The following ZNF678 variants were observed in gnomAD, a reference collection of about 807,000 sequenced individuals.
The protein encoded by ZNF678 is hypothetical protein MGC42493.
ZNF678 carries 5 observed loss-of-function variants against 3.0 expected under a neutral mutation model. The ratio of observed to expected loss-of-function variants is 1.69; its 90% confidence interval spans 0.88 to 3.56. ZNF678 has a LOEUF of 3.56. Among genes scored for constraint, ZNF678 ranks in the 30% most tolerant of loss-of-function variants. The pLI is 0.00. For missense variants in ZNF678, 593 were observed against 605.0 expected (o/e 0.98, Z 0.21); for synonymous variants, 218 against 199.6 (o/e 1.09, Z -0.78).
At chr1:227,614,878 A>G (rs891306692) in intron 1 of ZNF678, among the ~76,000 whole-genome samples, 3 of 152,244 alleles carry the variant, frequency 2.0e-5, no homozygotes, top group Non-Finnish European at 2.9e-5. Context: ...CCACATTGCT[A>G]CCCAGCAAAA....
intron 1 of ZNF678, among the ~76,000 whole-genome samples, chr1:227,565,358 C>T (rs928727458): frequency 6.6e-6 from 1 of 152,104 alleles, no homozygotes; most frequent in African/African-American, 2.4e-5. Flanking sequence ...GCCACCACGC[C>T]TGACTTGTTG....
chr1:227,584,201 T>C (rs1311786832), intron 1 of ZNF678, among the ~76,000 whole-genome samples: 2 of 152,204 alleles, frequency 1.3e-5, no homozygotes, highest in East Asian at 3.9e-4. Flanking sequence ...ATTTGTTCAT[T>C]TGTCACAAGG....
intron 2 of ZNF678, among the ~76,000 whole-genome samples, chr1:227,648,810 T>C (rs771105049): frequency 1.6e-4 from 25 of 151,640 alleles, no homozygotes; most frequent in Non-Finnish European, 2.8e-4. Context: ...CCATCCTGGG[T>C]GACAGAGCGA....
chr1:227,574,390 G>T (rs1007832581), intron 1 of ZNF678, among the ~76,000 whole-genome samples: 1 of 152,216 alleles, frequency 6.6e-6, no homozygotes, highest in East Asian at 1.9e-4. Context: ...GTATGTCATT[G>T]TGGTTTTCAT....
chr1:227,581,497 A>G (rs1024259789), intron 1 of ZNF678, among the ~76,000 whole-genome samples: 1 of 152,200 alleles, frequency 6.6e-6, no homozygotes, highest in African/African-American at 2.4e-5. Flanking sequence ...ACCATTAAGT[A>G]GTTTTGTCTA....
intron 3 of ZNF678, among the ~76,000 whole-genome samples, chr1:227,651,661 T>G (rs1659095607): frequency 6.6e-6 from 1 of 152,220 alleles, no homozygotes. Flanking sequence ...GAAGGAAGAC[T>G]TGCTTTCTGA....
rs151212248 is a variant in ZNF678 at position 227,639,204 on chromosome 1, T to C, written c.-163-7340T>C. 3.8e-3 allele frequency among the ~76,000 whole-genome samples: 579 copies of C among 152,306 alleles called. 4 individuals are homozygous for C. The highest frequency in any genetic ancestry group is 6.3e-3 in the Non-Finnish European group (430 of 68,016). ...CTGGGTTTGGGCATTGTCTGGGCCA[T>C]TGGCCTTCATTGCCGCACTTGAAAC... is the stretch of plus-strand genomic sequence containing the variant. On this transcript the variant is annotated intron_variant, in intron 1 of 3. Transcript: ENST00000343776.
chr1:227,627,216 G>A (rs1558147825), intron 1 of ZNF678, among the ~76,000 whole-genome samples: 1 of 151,896 alleles, frequency 6.6e-6, no homozygotes. Flanking sequence ...ATGCCTAAGC[G>A]AAAGGTTTGG....
downstream of ZNF678, among the ~76,000 whole-genome samples, chr1:227,677,898 T>G (rs1290887118): frequency 1.3e-5 from 2 of 152,136 alleles, no homozygotes; most frequent in Non-Finnish European, 2.9e-5. Flanking sequence ...CTGCCAGAAT[T>G]TAAAATGCAA....
At chr1:227,621,272 T>A (rs1470248142) in intron 1 of ZNF678, among the ~76,000 whole-genome samples, 5 of 152,226 alleles carry the variant, frequency 3.3e-5, no homozygotes, top group Non-Finnish European at 5.9e-5. Context: ...TTTTTCTCAT[T>A]GTTAATAAAC....
intron 1 of ZNF678, among the ~76,000 whole-genome samples, chr1:227,575,628 A>G (rs1410890647): frequency 6.6e-6 from 1 of 152,120 alleles, no homozygotes; most frequent in Non-Finnish European, 1.5e-5. Flanking sequence ...GTTTGTCAGC[A>G]TAGGGAGATT....
intron 1 of ZNF678, among the ~76,000 whole-genome samples, chr1:227,622,735 G>A (rs951866540): frequency 6.6e-6 from 1 of 152,134 alleles, no homozygotes; most frequent in Admixed American, 6.5e-5. Flanking sequence ...CCATTGAGGT[G>A]GGGGTTAAGG....
At chr1:227,643,093 T>G (rs1004337143) in intron 1 of ZNF678, among the ~76,000 whole-genome samples, 1 of 152,112 alleles carries the variant, frequency 6.6e-6, no homozygotes, top group African/African-American at 2.4e-5. Context: ...TTTGAGCTTC[T>G]TACTTCCCTA....
intron 5 of ZNF678, among the ~76,000 whole-genome samples, chr1:227,676,881 A>G (rs1659697281): frequency 6.6e-6 from 1 of 152,158 alleles, no homozygotes. Context: ...ATAGTATTCC[A>G]TGGTGTATAT....
At chr1:227,626,966 G>A (rs1470261406) in intron 1 of ZNF678, among the ~76,000 whole-genome samples, 1 of 150,930 alleles carries the variant, frequency 6.6e-6, no homozygotes, top group Non-Finnish European at 1.5e-5. Context: ...CGCCCAACCA[G>A]TGAAAGTATC....
chr1:227,677,710 A>C (rs566676176), downstream of ZNF678, among the ~76,000 whole-genome samples: 39 of 152,224 alleles, frequency 2.6e-4, no homozygotes, highest in Non-Finnish European at 5.3e-4. Flanking sequence ...CAGGCAGATA[A>C]ATATCTTTTC....
chr1:227,643,830 T>C (rs1226890764), intron 1 of ZNF678, among the ~76,000 whole-genome samples: 1 of 151,332 alleles, frequency 6.6e-6, no homozygotes, highest in Non-Finnish European at 1.5e-5. Context: ...TATATTTAGC[T>C]TTTATTTTAT....
chr1:227,649,488 T>C (rs2102800082), intron 2 of ZNF678, among the ~76,000 whole-genome samples: 1 of 152,232 alleles, frequency 6.6e-6, no homozygotes, highest in East Asian at 1.9e-4. Context: ...GTAGCCAAGA[T>C]TACAGGCATG....
intron 3 of ZNF678, among the ~76,000 whole-genome samples, chr1:227,653,513 C>T (rs1174102308): frequency 1.3e-5 from 2 of 151,682 alleles, no homozygotes; most frequent in African/African-American, 2.4e-5. Flanking sequence ...TTGATTGGAC[C>T]ATGTTACCCT....
Sources: allele counts gnomAD v4.1 joint callset (sites outside exome capture counted in the v4.1 genomes callset), GRCh38; gene constraint gnomAD v4.1.1; transcripts MANE v1.5; gene names NCBI Gene and HGNC (gene_info 2026-07-23, HGNC 2026-07-21).